The following FAM3B variants were observed in gnomAD, a reference collection of about 807,000 sequenced individuals.
The protein encoded by FAM3B is FAM3 metabolism regulating signaling molecule B.
A neutral mutation model predicts 28.4 loss-of-function variants in FAM3B; 29 were observed. That is an observed-to-expected ratio of 1.02 (90% CI 0.76 to 1.39). The LOEUF (loss-of-function observed/expected upper bound fraction) is 1.39, where lower values mean the gene tolerates loss of function less well. Among genes scored for constraint, FAM3B ranks in the 40% most tolerant of loss-of-function variants. The probability of loss-of-function intolerance (pLI) is 0.00; values close to 1 mark genes in which losing one functional copy is unlikely to be tolerated. For synonymous variants in FAM3B, 91 were observed against 103.0 expected (o/e 0.88, Z 0.71); for missense variants, 266 against 293.9 (o/e 0.91, Z 0.69).
intron 3 of FAM3B, among the ~76,000 whole-genome samples, chr21:41,343,216 C>T (rs1882810475): frequency 6.6e-6 from 1 of 152,200 alleles, no homozygotes; most frequent in African/African-American, 2.4e-5. Flanking sequence ...CTGTTCACTT[C>T]CTTACACACC....
chr21:41,316,757 A>C, upstream of FAM3B: 1 of 993,940 alleles, frequency 1.0e-6, no homozygotes. Flanking sequence ...CCGCGCACCC[A>C]GCTGGCCCGC....
At chr21:41,327,799 C>A (rs1308737333) in intron 2 of FAM3B, among the ~76,000 whole-genome samples, 1 of 152,198 alleles carries the variant, frequency 6.6e-6, no homozygotes, top group Non-Finnish European at 1.5e-5. Flanking sequence ...AAGCTGCTGC[C>A]ATACTGTTGT....
At chr21:41,325,506 G>A (rs1336287580) in intron 2 of FAM3B, among the ~76,000 whole-genome samples, 4 of 152,160 alleles carry the variant, frequency 2.6e-5, no homozygotes, top group Non-Finnish European at 5.9e-5. Context: ...TGAGATCATA[G>A]TTCCCAAATC....
chr21:41,337,628 G>A (rs1332554876), intron 2 of FAM3B, among the ~76,000 whole-genome samples: 1 of 152,126 alleles, frequency 6.6e-6, no homozygotes, highest in African/African-American at 2.4e-5. Context: ...ATGTGTGACT[G>A]TGTGTGATAT....
chr21:41,348,847 T>C, intron 7 of FAM3B, 123 bp downstream of exon 7: 1 of 1,097,550 alleles, frequency 9.1e-7, no homozygotes, highest in Non-Finnish European at 1.3e-6. Flanking sequence ...GCTGTTTCCA[T>C]GAGATCAGCA....
At chr21:41,324,495 A>T (rs11908854) in intron 2 of FAM3B, among the ~76,000 whole-genome samples, 4,348 of 152,238 alleles carry the variant, frequency 0.029, 195 homozygotes, top group African/African-American at 0.098. Context: ...TTATACATAG[A>T]TTATCTGTAA....
At chr21:41,352,820 T>TAAATAAAC (rs61423023) in intron 7 of FAM3B, among the ~76,000 whole-genome samples, 75,592 of 149,890 alleles carry the variant, frequency 0.5, 21,750 homozygotes, top group East Asian at 0.82. Context: ...AATAAATAAA[T>TAAATAAAC]AAATAAAGGA....
upstream of FAM3B, among the ~76,000 whole-genome samples, chr21:41,314,019 A>G (rs2088730457): frequency 6.6e-6 from 1 of 152,212 alleles, no homozygotes; most frequent in African/African-American, 2.4e-5. Context: ...AAAAACAAAA[A>G]CATTCATAGG....
At chr21:41,318,766 AG>A (rs1337546587) in intron 1 of FAM3B, among the ~76,000 whole-genome samples, 1 of 152,226 alleles carries the variant, frequency 6.6e-6, no homozygotes, top group Admixed American at 6.6e-5. Flanking sequence ...CCTGGGTCCT[AG>A]GGCCTGAGAT....
chr21:41,346,348 A>T (rs2089059742), intron 5 of FAM3B: 1 of 153,002 alleles, frequency 6.5e-6, no homozygotes, highest in Non-Finnish European at 1.5e-5. Context: ...ACCCAATAAG[A>T]AGGACACAGT....
chr21:41,318,436 G>A (rs67755284), intron 1 of FAM3B, among the ~76,000 whole-genome samples: 22,765 of 152,176 alleles, frequency 0.15, 1,819 homozygotes, highest in African/African-American at 0.2. Flanking sequence ...TGAAGTGGGC[G>A]TTGGCCTGTG....
At chr21:41,322,774 C>G in intron 1 of FAM3B, 149 bp from the exon 2 acceptor site, 1 of 1,139,470 alleles carries the variant, frequency 8.8e-7, no homozygotes, top group Admixed American at 1.9e-5. Context: ...CGCCTCCCAC[C>G]CTGGGAGCCT....
At chr21:41,324,947 C>G (rs1601353735) in intron 2 of FAM3B, among the ~76,000 whole-genome samples, 1 of 152,024 alleles carries the variant, frequency 6.6e-6, no homozygotes. Context: ...ACTAAAAATA[C>G]AAAAATTAGC....
rs1346401488 is a variant in FAM3B, at chr21:41,326,711, A to G, written c.163+3645A>G. Among the ~76,000 whole-genome samples, 1 of 152,204 alleles carries G rather than the reference A, an allele frequency of 6.6e-6. No homozygotes were observed. Among genetic ancestry groups the G allele is most frequent in the Non-Finnish European group, 1.5e-5 (1 of 68,014 alleles). The stretch of plus-strand genomic sequence containing the variant: ...CCACAATGGCCCCGCTGGAGACGCC[A>G]GCACCAGCCCTTTGGGTGAGTGTCC... On this transcript the variant is annotated intron_variant, in intron 2 of 7. Transcript: ENST00000357985. The surrounding 1 kb of genome is among the most constrained non-coding windows in gnomAD (Gnocchi z 4.0).
intron 1 of FAM3B, among the ~76,000 whole-genome samples, chr21:41,310,071 T>C (rs948690366): frequency 6.6e-6 from 1 of 152,188 alleles, no homozygotes; most frequent in Non-Finnish European, 1.5e-5. Flanking sequence ...GACAGAGCTA[T>C]GATTCAGGAA....
At chr21:41,304,885 T>C (rs1175820493) in intron 1 of FAM3B, among the ~76,000 whole-genome samples, 1 of 152,012 alleles carries the variant, frequency 6.6e-6, no homozygotes, top group African/African-American at 2.4e-5. Context: ...AGGTGGATGC[T>C]ATGGTCAACC....
rs889862586 is a variant in FAM3B at position 41,357,251 on chromosome 21, G to A, written c.*54G>A. 16 of 1,268,290 alleles carry A rather than the reference G, an allele frequency of 1.3e-5. No individual in the cohort carries two copies. Among genetic ancestry groups the A allele is most frequent in the Middle Eastern group, 3.8e-4 (2 of 5,330 alleles). The allele number at this position is 1,268,290 out of a possible 1,614,324, so 78.6% of individuals were successfully genotyped here. On this transcript the variant is annotated 3_prime_UTR_variant, in exon 8 of 8. Transcript: ENST00000357985. ...TGTATAAACAAATGCAGCTGGAATCGCTCAAGAATCTTATTTTTCTAAATC... is the reference window on the plus strand; with the variant it reads ...TGTATAAACAAATGCAGCTGGAATCACTCAAGAATCTTATTTTTCTAAATC...
In FAM3B at chr21:41,316,886, C is replaced by T; in HGVS notation, c.7C>T (p.Pro3Ser). ...GGGGAGCGGCACCTGGAAGATGCGC[C>T]CATTGGCTGGTGGTGAGTGCGCCCC... MRPLAGGLLKVVF... is the reference protein window; with the variant it reads MRSLAGGLLKVVF... The change falls in exon 1 of 8, where the codon CCA becomes TCA. Residue 3 changes from proline to serine, a missense_variant. Transcript: ENST00000357985. 1 of 1,403,606 alleles carries T rather than the reference C, an allele frequency of 7.1e-7. No homozygotes were observed. The highest frequency in any genetic ancestry group is 1.6e-5 in the South Asian group (1 of 63,278). 86.9% of individuals were successfully genotyped at this position (1,403,606 alleles called of 1,614,324 possible).
intron 1 of FAM3B, among the ~76,000 whole-genome samples, chr21:41,310,250 C>T (rs761892920): frequency 6.6e-6 from 1 of 152,088 alleles, no homozygotes; most frequent in Non-Finnish European, 1.5e-5. Flanking sequence ...ACCCCGGCCC[C>T]GCATCACCAG....
Sources: gnomAD v4.1 joint callset for allele counts (sites outside exome capture counted in the v4.1 genomes callset) on GRCh38, gnomAD v4.1.1 for gene constraint, Gnocchi (gnomAD v3.1) non-coding constraint, MANE v1.5 for transcripts, NCBI Gene and HGNC (gene_info 2026-07-23, HGNC 2026-07-21) for gene names.